The following FYN variants were observed in gnomAD, a reference collection of about 807,000 sequenced individuals.
FYN encodes the protein tyrosine-protein kinase Fyn.
A neutral mutation model predicts 70.2 loss-of-function variants in FYN; 10 were observed. The observed-to-expected ratio is 0.14, with a 90% CI of 0.09 to 0.24. The LOEUF is 0.24. FYN is among the 10% of genes least tolerant of loss of function. The probability of loss-of-function intolerance (pLI) is 1.00; values close to 1 mark genes in which losing one functional copy is unlikely to be tolerated. For missense variants in FYN, 319 were observed against 673.1 expected, an observed-to-expected ratio of 0.47 and a Z score of 5.82; for synonymous variants, 236 against 248.6, an observed-to-expected ratio of 0.95 and a Z score of 0.48.
At chr6:111,701,278 CAA>C (rs1261469912) in intron 8 of FYN, among the ~76,000 whole-genome samples, 2 of 152,010 alleles carry the variant, frequency 1.3e-5, no homozygotes, top group African/African-American at 4.8e-5. Flanking sequence ...AAAAAGGTAA[CAA>C]AGAATAAGAA....
chr6:111,760,055 G>A (rs952157091), intron 3 of FYN: 1 of 151,302 alleles, frequency 6.6e-6, no homozygotes, highest in African/African-American at 2.4e-5. Context: ...CATTCTTTAC[G>A]TTGCAGAATA....
intron 3 of FYN, among the ~76,000 whole-genome samples, chr6:111,767,061 A>T (rs1803252960): frequency 6.6e-6 from 1 of 152,220 alleles, no homozygotes; most frequent in Admixed American, 6.5e-5. Context: ...TTTTTAATGC[A>T]ATATAAACAG....
chr6:111,829,272 G>C (rs546769965), intron 2 of FYN, among the ~76,000 whole-genome samples: 1 of 152,122 alleles, frequency 6.6e-6, no homozygotes, highest in Non-Finnish European at 1.5e-5. Context: ...TCATCAGCAG[G>C]GTGGTCTTGA....
chr6:111,711,285 C>T (rs1448616440), intron 5 of FYN, among the ~76,000 whole-genome samples: 1 of 151,014 alleles, frequency 6.6e-6, no homozygotes, highest in Non-Finnish European at 1.5e-5. Flanking sequence ...AAAAAAAAAA[C>T]AACAAACCTA....
chr6:111,800,563 C>T (rs9487722), intron 2 of FYN, among the ~76,000 whole-genome samples: 46,166 of 152,092 alleles, frequency 0.3, 11,228 homozygotes, highest in African/African-American at 0.68. Flanking sequence ...CGACTGCAAC[C>T]GCGCTTCCTA....
chr6:111,699,448 T>C (rs150735800), intron 9 of FYN: 31,104 of 1,533,068 alleles, frequency 0.02, 347 homozygotes, highest in Non-Finnish European at 0.023. Flanking sequence ...GTGTGCATTT[T>C]TGTTCAAAAC....
intron 12 of FYN, among the ~76,000 whole-genome samples, chr6:111,693,134 C>T (rs1381881865): frequency 6.6e-6 from 1 of 152,156 alleles, no homozygotes; most frequent in Non-Finnish European, 1.5e-5. Flanking sequence ...TTCCTCATCA[C>T]TTGAGGCTGC....
chr6:111,752,312 T>C (rs1167413188), intron 3 of FYN, among the ~76,000 whole-genome samples: 1 of 152,188 alleles, frequency 6.6e-6, no homozygotes, highest in Non-Finnish European at 1.5e-5. Flanking sequence ...CAGCCCTTGG[T>C]GAATTAAAAA....
intron 2 of FYN, among the ~76,000 whole-genome samples, chr6:111,840,341 G>T (rs776957612): frequency 6.6e-6 from 1 of 152,196 alleles, no homozygotes; most frequent in African/African-American, 2.4e-5. Context: ...TAAGAGGGCT[G>T]CAGAGGAAGA....
At chr6:111,707,149 G>A (rs185393627) in intron 6 of FYN, among the ~76,000 whole-genome samples, 90 of 152,316 alleles carry the variant, frequency 5.9e-4, no homozygotes, top group African/African-American at 2.0e-3. Context: ...AAGGTGTCAG[G>A]AGGAGGCCAA....
intron 2 of FYN, among the ~76,000 whole-genome samples, chr6:111,781,933 T>G (rs1254783912): frequency 1.3e-5 from 2 of 152,258 alleles, no homozygotes; most frequent in African/African-American, 2.4e-5. Context: ...TCTATAACTA[T>G]GAAAATATTC....
intron 3 of FYN, among the ~76,000 whole-genome samples, chr6:111,741,298 G>A (rs778464113): frequency 3.4e-4 from 51 of 152,168 alleles, no homozygotes; most frequent in Admixed American, 1.8e-3. Flanking sequence ...TAGAGGCTTT[G>A]CTGGATGGTA....
At chr6:111,667,424 A>T (rs560232153) in intron 13 of FYN, among the ~76,000 whole-genome samples, 6 of 146,888 alleles carry the variant, frequency 4.1e-5, no homozygotes, top group African/African-American at 1.3e-4. Flanking sequence ...ATTTTTATTT[A>T]TTTTTTTTTT....
At chr6:111,839,724 GA>G (rs1253445266) in intron 2 of FYN, among the ~76,000 whole-genome samples, 1 of 152,090 alleles carries the variant, frequency 6.6e-6, no homozygotes, top group African/African-American at 2.4e-5. Flanking sequence ...CTTGGACTAG[GA>G]AAAAAGGATT....
chr6:111,792,217 T>C (rs895316358), intron 2 of FYN, among the ~76,000 whole-genome samples: 1 of 151,370 alleles, frequency 6.6e-6, no homozygotes, highest in Non-Finnish European at 1.5e-5. Context: ...AAACAGAAAA[T>C]CCAAATGGCC....
chr6:111,709,354 C>T (rs983237693), intron 5 of FYN, among the ~76,000 whole-genome samples: 2 of 152,118 alleles, frequency 1.3e-5, no homozygotes, highest in East Asian at 1.9e-4. Context: ...CTCCAGAGGC[C>T]GCTCTCTAAA....
intron 2 of FYN, among the ~76,000 whole-genome samples, chr6:111,783,796 G>T (rs1771263923): frequency 1.3e-5 from 2 of 152,230 alleles, no homozygotes; most frequent in Admixed American, 6.5e-5. Context: ...AGCTGGGAGT[G>T]GGGGCGGGAC....
intron 2 of FYN, among the ~76,000 whole-genome samples, chr6:111,804,614 C>T (rs1390826485): frequency 1.3e-5 from 2 of 152,048 alleles, no homozygotes; most frequent in Non-Finnish European, 2.9e-5. Context: ...ATTTTTGGTC[C>T]CTAGTCTTTG....
At chr6:111,868,939 C>A (rs73533712) in intron 1 of FYN, among the ~76,000 whole-genome samples, 6,297 of 152,246 alleles carry the variant, frequency 0.041, 139 homozygotes, top group East Asian at 0.12. Flanking sequence ...TCTAGTAGAC[C>A]GTGAACTTCT....
Sources: gnomAD v4.1 joint callset for allele counts (sites outside exome capture counted in the v4.1 genomes callset) on GRCh38, gnomAD v4.1.1 for gene constraint, MANE v1.5 for transcripts, NCBI Gene and HGNC (gene_info 2026-07-23, HGNC 2026-07-21) for gene names.